The following PKM variants were observed in gnomAD, a reference collection of about 807,000 sequenced individuals.
PKM encodes pyruvate kinase M1/2, also known as pyruvate kinase PKM.
A neutral mutation model predicts 49.8 loss-of-function variants in PKM; 18 were observed. The observed-to-expected ratio is 0.36, with a 90% CI of 0.25 to 0.54. The LOEUF is 0.54. Ranked by LOEUF, PKM falls within the 20% of genes least tolerant of loss-of-function variation. PKM has a pLI of 0.89. For synonymous variants in PKM, 239 were observed against 261.8 expected (o/e 0.91, Z 0.84); for missense variants, 508 against 713.8 (o/e 0.71, Z 3.28).
rs1259833480 is a variant in PKM at position 72,202,701 on chromosome 15, G to T, written c.1141-81C>A. On this transcript the variant is annotated intron_variant, in intron 8 of 10. Coordinates refer to ENST00000335181, the MANE Select transcript of PKM (RefSeq NM_002654.6). The surrounding 1 kb of genome is among the most constrained non-coding windows in gnomAD (Gnocchi z 4.5). Reference sequence around the variant, plus strand: ...CTTTGTCACAAAAGGAGAGGGAGGGGAAGAGTCACCGGACAGCTGGTGAGG... The same window carrying T: ...CTTTGTCACAAAAGGAGAGGGAGGGTAAGAGTCACCGGACAGCTGGTGAGG... 2 of 1,264,646 alleles carry T rather than the reference G, an allele frequency of 1.6e-6. No individual in the cohort carries two copies. Among genetic ancestry groups the T allele is most frequent in the Non-Finnish European group, 2.3e-6 (2 of 884,810 alleles). 78.3% of individuals were successfully genotyped at this position (1,264,646 alleles called of 1,614,324 possible).
intron 3 of PKM, among the ~76,000 whole-genome samples, chr15:72,211,358 C>T (rs1355673023): frequency 3.3e-5 from 5 of 152,166 alleles, no homozygotes; most frequent in African/African-American, 9.7e-5. Context: ...TGAGCCACTG[C>T]GCCCGGCCTC....
chr15:72,212,335 C>T (rs1488656259), intron 3 of PKM, among the ~76,000 whole-genome samples: 4 of 152,060 alleles, frequency 2.6e-5, no homozygotes, highest in East Asian at 3.9e-4. Context: ...ATTAGCTGGG[C>T]GTGGTGGCGT....
At position 72,219,118 on chromosome 15, in the gene PKM, G is replaced by A. The variant is rs200265563; in HGVS notation, c.-13-8C>T. 1.4e-5 allele frequency: 22 copies of A among 1,609,374 alleles called. No homozygotes were observed. Among genetic ancestry groups the A allele is most frequent in the Middle Eastern group, 1.7e-4 (1 of 5,806 alleles). On this transcript the variant is annotated splice_polypyrimidine_tract_variant and splice_region_variant and intron_variant, in intron 1 of 10. Transcript: ENST00000335181. ...GACATGGCTGCTGAGGTCCTGGGTC[G>A]AGACAAATTGAAAGAGAGTGGTAAG...
chr15:72,213,755 C>T (rs1422505764), intron 3 of PKM, among the ~76,000 whole-genome samples: 1 of 152,124 alleles, frequency 6.6e-6, no homozygotes, highest in Non-Finnish European at 1.5e-5. Context: ...TTCTTATGGC[C>T]ACTGGTCTAT....
chr15:72,200,291 C>T lies in PKM; in HGVS notation c.1489+183G>A, dbSNP rs1002509193. 2.6e-5 allele frequency among the ~76,000 whole-genome samples: 4 copies of T among 152,160 alleles called. No individual in the cohort carries two copies. The highest frequency in any genetic ancestry group is 4.8e-5 in the African/African-American group (2 of 41,442). ...TCCCTCCTGGCTCAGCTTAGGACTT[C>T]GGAGAATGAGAGATTCAGAATGAAC... On this transcript the variant is annotated intron_variant, in intron 10 of 10. Transcript: ENST00000335181. This position sits in a 1 kb window ranked among gnomAD's most constrained non-coding sequence, Gnocchi z 4.6.
chr15:72,221,170 T>C, intron 1 of PKM: 2 of 1,517,702 alleles, frequency 1.3e-6, no homozygotes, highest in Non-Finnish European at 1.8e-6. Flanking sequence ...GGTCATACCT[T>C]TGGTTCTCTG....
intron 8 of PKM, 131 bp downstream of exon 8, chr15:72,206,597 C>G: frequency 1.1e-6 from 1 of 908,818 alleles, no homozygotes; most frequent in Non-Finnish European, 1.7e-6. Context: ...CCTCTTGCTG[C>G]TGTAACTTGG....
intron 8 of PKM, among the ~76,000 whole-genome samples, chr15:72,204,990 C>T (rs778663731): frequency 6.6e-6 from 1 of 152,128 alleles, no homozygotes; most frequent in East Asian, 1.9e-4. Flanking sequence ...TGTGAGACTG[C>T]GCCAAGAGTA....
At chr15:72,230,639 G>A (rs1224749976) in intron 1 of PKM, among the ~76,000 whole-genome samples, 1 of 152,140 alleles carries the variant, frequency 6.6e-6, no homozygotes, top group Non-Finnish European at 1.5e-5. Context: ...GTTTCAATGA[G>A]TTACACAGAA....
At chr15:72,219,361 A>G in intron 1 of PKM, 1 of 416,366 alleles carries the variant, frequency 2.4e-6, no homozygotes, top group African/African-American at 2.0e-5. Context: ...CATAGTCCCA[A>G]GCACCCACAG....
intron 1 of PKM, among the ~76,000 whole-genome samples, chr15:72,220,132 A>C (rs1044651290): frequency 1.3e-5 from 2 of 152,254 alleles, no homozygotes; most frequent in Non-Finnish European, 2.9e-5. Context: ...CAGTGTTTGA[A>C]GAACTATCAG....
chr15:72,204,859 C>T (rs527938650), intron 8 of PKM, among the ~76,000 whole-genome samples: 1 of 152,068 alleles, frequency 6.6e-6, no homozygotes, highest in East Asian at 1.9e-4. Flanking sequence ...TGAAGTCACA[C>T]GATTAAGTAG....
At chr15:72,221,147 C>T in intron 1 of PKM, 1 of 1,340,160 alleles carries the variant, frequency 7.5e-7, no homozygotes, top group Non-Finnish European at 1.0e-6. Flanking sequence ...CTGGCTGGGG[C>T]CACTGAATAT....
At chr15:72,205,235 T>C (rs2856926) in intron 8 of PKM, among the ~76,000 whole-genome samples, 144,648 of 152,218 alleles carry the variant, frequency 0.95, 69,178 homozygotes, top group East Asian at 1. Flanking sequence ...TGCCCCAGCA[T>C]CACCCCCTCT....
At chr15:72,215,308 T>C (rs2082351971) in intron 3 of PKM, among the ~76,000 whole-genome samples, 1 of 152,150 alleles carries the variant, frequency 6.6e-6, no homozygotes, top group Non-Finnish European at 1.5e-5. Context: ...GCATTTAAAA[T>C]AGTCAGAAAC....
At chr15:72,210,825 A>G (rs1206686396) in intron 3 of PKM, among the ~76,000 whole-genome samples, 4 of 152,164 alleles carry the variant, frequency 2.6e-5, no homozygotes, top group African/African-American at 9.7e-5. Flanking sequence ...TTTTTCCCTA[A>G]GACTCATCAA....
chr15:72,226,487 A>C (rs931044015), intron 1 of PKM, among the ~76,000 whole-genome samples: 2 of 152,198 alleles, frequency 1.3e-5, no homozygotes, highest in Non-Finnish European at 2.9e-5. Context: ...CTGAGATTGC[A>C]CCACTGCACT....
At chr15:72,210,097 C>T in intron 4 of PKM, 1 of 621,292 alleles carries the variant, frequency 1.6e-6, no homozygotes. Flanking sequence ...GATGGTTCTC[C>T]AAGTTAGAAA....
intron 8 of PKM, among the ~76,000 whole-genome samples, chr15:72,205,624 G>GTTT (rs140232218): frequency 7.0e-5 from 7 of 99,704 alleles, no homozygotes; most frequent in African/African-American, 1.4e-4. Context: ...GGGTGTTTTA[G>GTTT]TTTTTTTTTT....
Sources: gnomAD v4.1 joint callset for allele counts (sites outside exome capture counted in the v4.1 genomes callset) on GRCh38, gnomAD v4.1.1 for gene constraint, Gnocchi (gnomAD v3.1) non-coding constraint, MANE v1.5 for transcripts, NCBI Gene and HGNC (gene_info 2026-07-23, HGNC 2026-07-21) for gene names.